The following LCT variants were observed in gnomAD, a reference collection of about 807,000 sequenced individuals.
The protein encoded by LCT is lactase.
Under a neutral mutation model 173.0 loss-of-function variants are expected in LCT, and 90 were observed. The observed-to-expected ratio is 0.52, with a 90% CI of 0.44 to 0.62. The LOEUF is 0.62. LCT is among the 20% of genes least tolerant of loss of function. The pLI, the probability that LCT is intolerant of heterozygous loss-of-function variation, is 0.00. For synonymous variants in LCT, 853 were observed against 957.6 expected, an observed-to-expected ratio of 0.89 and a Z score of 2.02; for missense variants, 1,864 against 2,431.4, an observed-to-expected ratio of 0.77 and a Z score of 4.91.
Position 135,812,432 on chromosome 2 carries a change from T to C in LCT, c.2232A>G (p.Thr744=). ...RLLQFVSLEY[T]RGKVPIYLAG... ...CAAGGTATATTGGAACTTTTCCTCT[T>C]GTGTATTCCAGGGATACAAACTGCA... is the stretch of plus-strand genomic sequence containing the variant. The change falls in exon 7 of 17, where the codon ACA becomes ACG. Residue 744 remains threonine (T), a synonymous_variant. Transcript: ENST00000264162. The C allele has an allele frequency of 6.2e-7, 1 of 1,614,230 alleles. No homozygotes were observed. The highest frequency in any genetic ancestry group is 8.5e-7 in the Non-Finnish European group (1 of 1,180,038).
chr2:135,793,876 C>G (rs970777658), intron 14 of LCT, among the ~76,000 whole-genome samples: 1 of 151,860 alleles, frequency 6.6e-6, no homozygotes, highest in African/African-American at 2.4e-5. Context: ...AGAGACCAGC[C>G]TGACCAACAT....
At chr2:135,800,566 A>G (rs185934077) in intron 12 of LCT, 41 bp downstream of exon 12, 65 of 1,493,366 alleles carry the variant, frequency 4.4e-5, no homozygotes, top group Admixed American at 8.4e-5. Flanking sequence ...GGAAGGAAAG[A>G]TGGACAAGAG....
Position 135,805,060 on chromosome 2 carries a change from C to T in LCT, c.4174-3G>A, listed in dbSNP as rs1183367158. The T allele has an allele frequency of 6.2e-7, 1 of 1,614,022 alleles. No individual in the cohort carries two copies. The highest frequency in any genetic ancestry group is 1.1e-5 in the South Asian group (1 of 91,080). ...TCTGCTCTCCACGCACCTTCAATCTCAAGATGACAAGACATGGTCTTATTA... is the reference window on the plus strand; with the variant it reads ...TCTGCTCTCCACGCACCTTCAATCTTAAGATGACAAGACATGGTCTTATTA... On this transcript the variant is annotated splice_region_variant and splice_polypyrimidine_tract_variant and intron_variant, in intron 9 of 16. Coordinates refer to ENST00000264162, the MANE Select transcript of LCT (RefSeq NM_002299.4).
rs780034717 is a variant in LCT at position 135,817,455 on chromosome 2, C to T, written c.1593G>A (p.Gly531=). 6.2e-7 allele frequency: 1 copy of T among 1,614,156 alleles called. No individual in the cohort carries two copies. Among genetic ancestry groups the T allele is most frequent in the South Asian group, 1.1e-5 (1 of 91,086 alleles). The stretch of plus-strand genomic sequence containing the variant: ...AGGTCACCCACAGCTTCACACGGTC[C>T]CCAAATGTGGAGAAGCAGAAGGCCG... ...DYAAFCFSTF[G]DRVKLWVTFH... is the part of the protein sequence containing the mutation. Residue 531 remains glycine, a synonymous_variant, in exon 6 of 17, where the codon GGG becomes GGA. Transcript: ENST00000264162.
chr2:135,788,072 T>G lies in LCT; in HGVS notation c.*252A>C, dbSNP rs540555930. ...GGTTCACAGACCCACTAGACCAGTA[T>G]CTACACGTTTCCGCAAGAGCTACTT... On this transcript the variant is annotated 3_prime_UTR_variant, in exon 17 of 17. Transcript: ENST00000264162. 1 of 526,486 alleles carries G rather than the reference T, an allele frequency of 1.9e-6. No individual in the cohort carries two copies. The highest frequency in any genetic ancestry group is 3.4e-6 in the Non-Finnish European group (1 of 291,880). The allele number at this position is 526,486 out of a possible 1,614,324, so 32.6% of individuals were successfully genotyped here.
chr2:135,794,758 T>C lies in LCT; in HGVS notation c.4994A>G (p.Glu1665Gly), dbSNP rs141183197. 3.7e-5 allele frequency: 59 copies of C among 1,614,012 alleles called. No individual in the cohort carries two copies. The highest frequency in any genetic ancestry group is 4.8e-5 in the Non-Finnish European group (57 of 1,180,026). Residue 1665 changes from glutamate to glycine, a missense_variant, in exon 14 of 17, where the codon GAG becomes GGG. This residue lies in a region of LCT where 514 missense variants were observed against 750.1 expected (regional missense o/e 0.69). Coordinates refer to ENST00000264162, the MANE Select transcript of LCT (RefSeq NM_002299.4). ...LNKSRLPEFT[E>G]SEKRRINGTY... ...GCCGTTGATCCTCCTCTTCTCACTCTCTGTAAATTCTGGCAGCCTGGGTGG... is the reference window on the plus strand; with the variant it reads ...GCCGTTGATCCTCCTCTTCTCACTCCCTGTAAATTCTGGCAGCCTGGGTGG...
At chr2:135,798,654 G>A (rs1425880060) in intron 12 of LCT, among the ~76,000 whole-genome samples, 3 of 152,332 alleles carry the variant, frequency 2.0e-5, no homozygotes, top group African/African-American at 4.8e-5. Context: ...GTGGGGAACC[G>A]TTTGACCTAT....
intron 5 of LCT, among the ~76,000 whole-genome samples, chr2:135,821,046 A>C (rs1193894195): frequency 6.6e-6 from 1 of 151,960 alleles, no homozygotes; most frequent in East Asian, 1.9e-4. Flanking sequence ...ATGCCCGGCT[A>C]ATTTTTTTGT....
In LCT at chr2:135,790,955, A is replaced by G; in HGVS notation, c.5112-74T>C. On this transcript the variant is annotated intron_variant, in intron 14 of 16. Transcript: ENST00000264162. This position sits in a 1 kb window ranked among gnomAD's most constrained non-coding sequence, Gnocchi z 4.1. ...AGGCCCTTTACACGAAACACAAAAC[A>G]GGACTTAGACCAGGAAAAGCCTTAG... 6 of 1,107,396 alleles carry G rather than the reference A, an allele frequency of 5.4e-6. No homozygotes were observed. The highest frequency in any genetic ancestry group is 8.3e-6 in the Non-Finnish European group (6 of 724,910). The allele number at this position is 1,107,396 out of a possible 1,614,324, so 68.6% of individuals were successfully genotyped here.
At chr2:135,816,201 C>A (rs1006522218) in intron 6 of LCT, among the ~76,000 whole-genome samples, 1 of 152,202 alleles carries the variant, frequency 6.6e-6, no homozygotes, top group African/African-American at 2.4e-5. Flanking sequence ...TGAAACGATG[C>A]CCTGACTGGC....
At chr2:135,831,365 TAGG>T (rs2077936579) in intron 2 of LCT, among the ~76,000 whole-genome samples, 1 of 149,092 alleles carries the variant, frequency 6.7e-6, no homozygotes, top group African/African-American at 2.5e-5. Context: ...ATGGACAAAA[TAGG>T]AGGTGAGGCC....
intron 3 of LCT, among the ~76,000 whole-genome samples, chr2:135,824,863 C>T (rs2077871223): frequency 6.7e-6 from 1 of 150,262 alleles, no homozygotes; most frequent in African/African-American, 2.4e-5. Flanking sequence ...ATTAGCTGGG[C>T]TTGGTGGTGC....
chr2:135,826,230 T>G (rs1269691093), intron 3 of LCT, among the ~76,000 whole-genome samples: 1 of 152,108 alleles, frequency 6.6e-6, no homozygotes, highest in Admixed American at 6.5e-5. Context: ...GAAGTTTCAG[T>G]GCTTTACCCA....
Position 135,829,661 on chromosome 2 carries a change from G to A in LCT, c.736C>T (p.Leu246Phe), listed in dbSNP as rs2077917101. Residue 246 changes from leucine to phenylalanine, a missense_variant, in exon 3 of 17, where the codon CTC becomes TTC. Physicochemically the swap from Leu to Phe is conservative, Grantham distance 22. Coordinates refer to ENST00000264162, the MANE Select transcript of LCT (RefSeq NM_002299.4). ...SALAQDTVDF[L>F]SLDLSYECQN... ...CATTCATAAGACAAATCAAGAGAGA[G>A]GAAATCGACCGTGTCCTGAAAATAG... 2 of 1,612,688 alleles carry A rather than the reference G, an allele frequency of 1.2e-6. No homozygotes were observed. Among genetic ancestry groups the A allele is most frequent in the African/African-American group, 2.7e-5 (2 of 74,876 alleles).
chr2:135,790,666 G>A lies in LCT; in HGVS notation c.5327C>T (p.Ala1776Val), dbSNP rs1316059660. ...IYYLRTYINE[A>V]LKAVQDKVDL... ...GGGCGGGCCCGTCGTACCTTTGAGG[G>A]CCTCATTGATGTAAGTCCGAAGGTA... The change falls in exon 15 of 17, where the codon GCC (alanine) becomes GTC (valine). Residue 1776 changes from alanine to valine, a missense_variant. Physicochemically the swap from Ala to Val is moderately conservative, Grantham distance 64 (BLOSUM62 0). Around this residue, in one of 4 missense-constraint regions of LCT, gnomAD observed 514 missense variants for 750.1 expected, o/e 0.69. Coordinates refer to ENST00000264162, the MANE Select transcript of LCT (RefSeq NM_002299.4). This position sits in a 1 kb window ranked among gnomAD's most constrained non-coding sequence, Gnocchi z 4.1. 6.2e-7 allele frequency: 1 copy of A among 1,607,198 alleles called. No individual in the cohort carries two copies. The highest frequency in any genetic ancestry group is 2.2e-5 in the East Asian group (1 of 44,868).
At position 135,800,821 on chromosome 2, in the gene LCT, C is replaced by T; in HGVS notation, c.4664-12G>A. On this transcript the variant is annotated splice_polypyrimidine_tract_variant and intron_variant, in intron 11 of 16. Transcript: ENST00000264162. ...CCTATTGGAGACTCCTGGAAACATACACATGGATGTCAACAGAGAATGGAT... is the reference window on the plus strand; with the variant it reads ...CCTATTGGAGACTCCTGGAAACATATACATGGATGTCAACAGAGAATGGAT... 6.3e-7 allele frequency: 1 copy of T among 1,594,688 alleles called. No homozygotes were observed. The highest frequency in any genetic ancestry group is 8.6e-7 in the Non-Finnish European group (1 of 1,162,518).
At position 135,812,299 on chromosome 2, in the gene LCT, C is replaced by G. The variant is rs2077740787; in HGVS notation, c.2353+12G>C. The G allele has an allele frequency of 6.2e-7, 1 of 1,607,916 alleles. No individual in the cohort carries two copies. The highest frequency in any genetic ancestry group is 8.5e-7 in the Non-Finnish European group (1 of 1,174,460). ...CCCACCTTCCAATCACTGGCACATCCATTGTTCTTACCCTTGAGCACCTCA... is the reference window on the plus strand; with the variant it reads ...CCCACCTTCCAATCACTGGCACATCGATTGTTCTTACCCTTGAGCACCTCA... On this transcript the variant is annotated intron_variant, in intron 7 of 16. Coordinates refer to ENST00000264162, the MANE Select transcript of LCT (RefSeq NM_002299.4).
chr2:135,824,061 C>G, intron 3 of LCT, 58 bp from the exon 4 acceptor site: 1 of 1,137,084 alleles, frequency 8.8e-7, no homozygotes, highest in Non-Finnish European at 1.3e-6. Context: ...ATCTTGATAA[C>G]AGGGACAGAG....
At position 135,823,218 on chromosome 2, in the gene LCT, A is replaced by C. The variant is rs144541453; in HGVS notation, c.907+683T>G. 2.0e-3 allele frequency: 314 copies of C among 158,276 alleles called. 1 individual carries two copies. The highest frequency in any genetic ancestry group is 6.7e-3 in the South Asian group (37 of 5,508). The allele number at this position is 158,276 out of a possible 1,614,324, so 9.8% of individuals were successfully genotyped here. ...AAGAGTGACAGACAGACAAGAGTGAATATCAGGGCCCTCAGGCACATTCCT... is the reference window on the plus strand; with the variant it reads ...AAGAGTGACAGACAGACAAGAGTGACTATCAGGGCCCTCAGGCACATTCCT... On this transcript the variant is annotated intron_variant, in intron 4 of 16. Transcript: ENST00000264162.
Sources: gnomAD v4.1 joint callset for allele counts (sites outside exome capture counted in the v4.1 genomes callset) on GRCh38, gnomAD v4.1.1 for gene constraint, gnomAD v4.1.1 regional missense constraint, Gnocchi (gnomAD v3.1) non-coding constraint, MANE v1.5 for transcripts, NCBI Gene and HGNC (gene_info 2026-07-23, HGNC 2026-07-21) for gene names.